INPP5A: variants seen among roughly 807,000 people sequenced by gnomAD.
INPP5A encodes the protein inositol polyphosphate-5-phosphatase A.
Under a neutral mutation model 65.2 loss-of-function variants are expected in INPP5A, and 14 were observed. That is an observed-to-expected ratio of 0.21 (90% CI 0.14 to 0.34). INPP5A has a LOEUF of 0.34. Ranked by LOEUF, INPP5A falls within the 10% of genes least tolerant of loss-of-function variation. The pLI is 1.00. For synonymous variants in INPP5A, 207 were observed against 208.3 expected, an observed-to-expected ratio of 0.99 and a Z score of 0.05; for missense variants, 431 against 545.6, an observed-to-expected ratio of 0.79 and a Z score of 2.09.
chr10:132,700,787 G>A (rs1381012459), intron 6 of INPP5A, among the ~76,000 whole-genome samples: 1 of 152,318 alleles, frequency 6.6e-6, no homozygotes, highest in East Asian at 1.9e-4. Context: ...ACCTTGATGG[G>A]GGTATAATGC....
chr10:132,615,164 A>G (rs531979613), intron 2 of INPP5A, among the ~76,000 whole-genome samples: 74 of 152,204 alleles, frequency 4.9e-4, no homozygotes, highest in Admixed American at 1.6e-3. Context: ...CTCTGTCCCC[A>G]CAGTGGCCCG....
intron 1 of INPP5A, among the ~76,000 whole-genome samples, chr10:132,568,897 A>G (rs1030042339): frequency 1.3e-5 from 2 of 149,596 alleles, no homozygotes; most frequent in African/African-American, 4.9e-5. Flanking sequence ...AGATCACAAT[A>G]TGTTCTTACC....
intron 8 of INPP5A, among the ~76,000 whole-genome samples, chr10:132,720,371 G>C (rs1200092259): frequency 1.4e-5 from 2 of 146,356 alleles, no homozygotes; most frequent in South Asian, 2.2e-4. Context: ...TGTGGTACCT[G>C]GGTTCTGTCT....
rs572934685 is a variant in INPP5A, at chr10:132,616,212, C to G, written c.117+8256C>G. Among the ~76,000 whole-genome samples the G allele has an allele frequency of 6.6e-6, 1 of 152,322 alleles. No homozygotes were observed. The stretch of plus-strand genomic sequence containing the variant: ...GGAGGCAGACGGGCCCTGAAAGAAC[C>G]ACAGGGTGGCGTGGGAGGCAGCTGC... On this transcript the variant is annotated intron_variant, in intron 2 of 15. Coordinates refer to ENST00000368594, the MANE Select transcript of INPP5A (RefSeq NM_005539.5). The surrounding 1 kb of genome is among the most constrained non-coding windows in gnomAD (Gnocchi z 4.9).
chr10:132,623,187 A>C (rs1432430686), intron 2 of INPP5A, among the ~76,000 whole-genome samples: 2 of 152,240 alleles, frequency 1.3e-5, no homozygotes, highest in African/African-American at 4.8e-5. Context: ...GAATAGCCAG[A>C]ACAGTTAAAA....
In INPP5A at chr10:132,663,422, T is replaced by G. The variant is rs1167638806; in HGVS notation, c.306+12917T>G. ...TGTTTATAGAGACTGGGTGTCACCG[T>G]GTTGCCCAGTCAGGTCTCCAACTCC... On this transcript the variant is annotated intron_variant, in intron 4 of 15. Coordinates refer to ENST00000368594, the MANE Select transcript of INPP5A (RefSeq NM_005539.5). The surrounding 1 kb of genome is among the most constrained non-coding windows in gnomAD (Gnocchi z 4.5). 6.6e-6 allele frequency among the ~76,000 whole-genome samples: 1 copy of G among 152,132 alleles called. No individual in the cohort carries two copies. The highest frequency in any genetic ancestry group is 1.5e-5 in the Non-Finnish European group (1 of 68,028).
At chr10:132,718,480 G>A (rs1360649993) in intron 8 of INPP5A, among the ~76,000 whole-genome samples, 1 of 149,472 alleles carries the variant, frequency 6.7e-6, no homozygotes, top group Non-Finnish European at 1.5e-5. Context: ...GTGGTGCCTG[G>A]GTTCTCTCTG....
At chr10:132,732,802 G>A (rs928927753) in intron 9 of INPP5A, among the ~76,000 whole-genome samples, 2 of 152,160 alleles carry the variant, frequency 1.3e-5, no homozygotes, top group Admixed American at 6.5e-5. Flanking sequence ...ACACGTGCAG[G>A]CTCTCCGGAG....
At chr10:132,780,959 G>T in intron 14 of INPP5A, 42 bp downstream of exon 14, 1 of 1,479,318 alleles carries the variant, frequency 6.8e-7, no homozygotes. Context: ...GGGGGACCAA[G>T]GGGAAGCTAG....
At chr10:132,595,711 G>A (rs570725301) in intron 1 of INPP5A, among the ~76,000 whole-genome samples, 3 of 152,084 alleles carry the variant, frequency 2.0e-5, no homozygotes, top group Non-Finnish European at 4.4e-5. Context: ...TTCCGTGGAC[G>A]CCCTGTGTAA....
At chr10:132,561,725 C>T (rs1476959993) in intron 1 of INPP5A, among the ~76,000 whole-genome samples, 39 of 120,132 alleles carry the variant, frequency 3.2e-4, no homozygotes, top group Admixed American at 3.2e-3. Flanking sequence ...TCAATTTCCA[C>T]ACACACACAC....
chr10:132,721,019 A>G (rs1184659492), intron 8 of INPP5A, among the ~76,000 whole-genome samples: 1 of 130,592 alleles, frequency 7.7e-6, no homozygotes, highest in African/African-American at 2.9e-5. Flanking sequence ...GACTGTCTTC[A>G]GGGTTCTGTG....
At chr10:132,673,556 A>G (rs546673993) in intron 4 of INPP5A, among the ~76,000 whole-genome samples, 52 of 152,292 alleles carry the variant, frequency 3.4e-4, no homozygotes, top group Non-Finnish European at 5.7e-4. Flanking sequence ...CTGCTTCAGG[A>G]TGATGGGGAA....
chr10:132,621,935 A>G (rs894182570), intron 2 of INPP5A, among the ~76,000 whole-genome samples: 3 of 152,224 alleles, frequency 2.0e-5, no homozygotes, highest in African/African-American at 7.2e-5. Context: ...AAAGGAAACA[A>G]AAGTCATACA....
intron 1 of INPP5A, among the ~76,000 whole-genome samples, chr10:132,564,162 G>A (rs1401687210): frequency 6.6e-6 from 1 of 152,140 alleles, no homozygotes; most frequent in Non-Finnish European, 1.5e-5. Flanking sequence ...TGCTGTCATT[G>A]TCTCGGCTTG....
At chr10:132,647,356 GATCTGC>G in intron 3 of INPP5A, among the ~76,000 whole-genome samples, 1 of 152,102 alleles carries the variant, frequency 6.6e-6, no homozygotes, top group Non-Finnish European at 1.5e-5. Flanking sequence ...CTGACCTTGT[GATCTGC>G]CTGCCTTGGC....
intron 12 of INPP5A, among the ~76,000 whole-genome samples, chr10:132,766,119 C>T (rs1394824548): frequency 1.3e-5 from 2 of 151,796 alleles, no homozygotes; most frequent in Middle Eastern, 3.4e-3. Flanking sequence ...TGTGTGTGCA[C>T]CTGTGCATCT....
At chr10:132,691,132 C>T (rs1845253158) in intron 5 of INPP5A, among the ~76,000 whole-genome samples, 1 of 152,348 alleles carries the variant, frequency 6.6e-6, no homozygotes, top group African/African-American at 2.4e-5. Context: ...TCGTTTCGTT[C>T]GGATTCCGTG....
At chr10:132,758,018 A>C (rs1175280205) in intron 11 of INPP5A, among the ~76,000 whole-genome samples, 1 of 121,780 alleles carries the variant, frequency 8.2e-6, no homozygotes, top group Non-Finnish European at 1.7e-5. Context: ...ACCCCACAAC[A>C]CAGTGCCGTG....
Sources: gnomAD v4.1 joint callset for allele counts (sites outside exome capture counted in the v4.1 genomes callset) on GRCh38, gnomAD v4.1.1 for gene constraint, Gnocchi (gnomAD v3.1) non-coding constraint, MANE v1.5 for transcripts, NCBI Gene and HGNC (gene_info 2026-07-23, HGNC 2026-07-21) for gene names.